The following SLC35F4 variants were observed in gnomAD, a reference collection of about 807,000 sequenced individuals.
SLC35F4 encodes the protein solute carrier family 35 member F4, also known as chromosome 14 open reading frame 36.
Under a neutral mutation model 44.2 loss-of-function variants are expected in SLC35F4, and 24 were observed. The observed-to-expected ratio is 0.54, with a 90% CI of 0.39 to 0.76. The LOEUF is 0.76. Ranked by LOEUF, SLC35F4 falls within the 30% of genes least tolerant of loss-of-function variation. The probability of loss-of-function intolerance (pLI) is 0.00; values close to 1 mark genes in which losing one functional copy is unlikely to be tolerated. For synonymous variants in SLC35F4, 238 were observed against 223.6 expected (o/e 1.06, Z -0.57); for missense variants, 562 against 586.1 (o/e 0.96, Z 0.42).
At position 57,839,942 on chromosome 14, in the gene SLC35F4, C is replaced by A. The variant is rs562536176; in HGVS notation, c.103+25781G>T. Among the ~76,000 whole-genome samples the A allele has an allele frequency of 7.9e-5, 12 of 152,206 alleles. No homozygotes were observed. In the South Asian group the frequency reaches 2.5e-3, roughly 32 times the overall value. ...CCAGACTTCTTACCTAAGACCTAAA[C>A]AAAACATGCACACTTCATTCTAGTC... On this transcript the variant is annotated intron_variant, in intron 1 of 7. Transcript: ENST00000556826.
At chr14:57,574,192 G>C (rs1318898415) in intron 4 of SLC35F4, among the ~76,000 whole-genome samples, 1 of 152,154 alleles carries the variant, frequency 6.6e-6, no homozygotes, top group Admixed American at 6.5e-5. Context: ...AGTAAAAATA[G>C]ATATGCATAA....
At chr14:57,927,614 C>A (rs1889605886) in intron 1 of SLC35F4, among the ~76,000 whole-genome samples, 1 of 151,870 alleles carries the variant, frequency 6.6e-6, no homozygotes, top group African/African-American at 2.4e-5. Flanking sequence ...CCTCAGCCTC[C>A]CAAGTAGCTG....
chr14:57,630,602 A>G (rs2072720963), intron 1 of SLC35F4: 2 of 863,582 alleles, frequency 2.3e-6, no homozygotes, highest in Admixed American at 3.6e-5. Flanking sequence ...AACCACCTAG[A>G]TCCAAATCTC....
At chr14:57,926,139 G>T (rs1313089532) in intron 1 of SLC35F4, among the ~76,000 whole-genome samples, 1 of 152,162 alleles carries the variant, frequency 6.6e-6, no homozygotes, top group Non-Finnish European at 1.5e-5. Flanking sequence ...AGAGGCCATG[G>T]CTATCCCACA....
intron 1 of SLC35F4, among the ~76,000 whole-genome samples, chr14:57,891,464 A>G (rs1179188032): frequency 6.6e-6 from 1 of 152,160 alleles, no homozygotes; most frequent in Non-Finnish European, 1.5e-5. Context: ...GCAACATAGC[A>G]AGACCCCCAA....
At chr14:57,740,210 GA>G (rs1387242674) in intron 1 of SLC35F4, among the ~76,000 whole-genome samples, 1 of 152,048 alleles carries the variant, frequency 6.6e-6, no homozygotes, top group Non-Finnish European at 1.5e-5. Flanking sequence ...GTATCTAATT[GA>G]AAGAATGATA....
intron 1 of SLC35F4, among the ~76,000 whole-genome samples, chr14:57,954,890 C>T (rs1555330764): frequency 7.2e-6 from 1 of 139,086 alleles, no homozygotes; most frequent in Non-Finnish European, 1.5e-5. Flanking sequence ...CTATTCCAGA[C>T]AATAGAAAAA....
chr14:57,681,683 G>C (rs2208986), intron 1 of SLC35F4, among the ~76,000 whole-genome samples: 22,388 of 151,708 alleles, frequency 0.15, 1,886 homozygotes, highest in East Asian at 0.29. Context: ...AGTTTCTGTA[G>C]GACAAAAGTA....
At chr14:57,812,970 G>T (rs1882140479) in intron 1 of SLC35F4, among the ~76,000 whole-genome samples, 4 of 152,198 alleles carry the variant, frequency 2.6e-5, no homozygotes, top group Non-Finnish European at 5.9e-5. Flanking sequence ...ATTCCTGTGT[G>T]CCAGAAGCTG....
intron 1 of SLC35F4, among the ~76,000 whole-genome samples, chr14:57,955,816 T>C (rs1008003637): frequency 2.6e-5 from 4 of 152,092 alleles, no homozygotes; most frequent in Non-Finnish European, 4.4e-5. Context: ...GCAAAACATT[T>C]TGTGCTCTTG....
intron 1 of SLC35F4, among the ~76,000 whole-genome samples, chr14:57,595,018 C>T (rs2070410567): frequency 6.6e-6 from 1 of 152,192 alleles, no homozygotes; most frequent in South Asian, 2.1e-4. Context: ...GAGATTAACA[C>T]TGGTACATCA....
chr14:57,868,833 T>C (rs1402835348), upstream of SLC35F4, among the ~76,000 whole-genome samples: 3 of 152,128 alleles, frequency 2.0e-5, no homozygotes, highest in African/African-American at 7.2e-5. Flanking sequence ...CAAACCCAAA[T>C]ATTCAAATTT....
intron 1 of SLC35F4, among the ~76,000 whole-genome samples, chr14:57,679,035 C>T (rs1484974180): frequency 6.6e-6 from 1 of 152,092 alleles, no homozygotes; most frequent in Non-Finnish European, 1.5e-5. Flanking sequence ...ACCTAATAGA[C>T]ATCTACAGAA....
intron 1 of SLC35F4, among the ~76,000 whole-genome samples, chr14:57,752,706 G>C (rs1239945571): frequency 2.0e-5 from 3 of 151,986 alleles, no homozygotes; most frequent in Non-Finnish European, 4.4e-5. Context: ...TGATCCACCC[G>C]CCTCGGCCTC....
intron 1 of SLC35F4, among the ~76,000 whole-genome samples, chr14:57,672,998 C>T (rs1332414469): frequency 6.6e-6 from 1 of 151,772 alleles, no homozygotes; most frequent in East Asian, 1.9e-4. Flanking sequence ...ATAAAATTTG[C>T]CATAATTAGT....
At chr14:57,920,970 G>A (rs950396676) in intron 1 of SLC35F4, among the ~76,000 whole-genome samples, 15 of 152,242 alleles carry the variant, frequency 9.9e-5, no homozygotes, top group African/African-American at 1.7e-4. Flanking sequence ...TGAAACATAC[G>A]TACACATCAT....
intron 1 of SLC35F4, among the ~76,000 whole-genome samples, chr14:57,638,442 G>A (rs945569345): frequency 3.3e-5 from 5 of 152,046 alleles, no homozygotes; most frequent in East Asian, 1.9e-4. Flanking sequence ...GGGCCCCTTC[G>A]TGAATATTCA....
rs17093571 is a variant in SLC35F4, at chr14:57,703,518, C to A, written c.104-109394G>T. The stretch of plus-strand genomic sequence containing the variant: ...TCCAAAGGGCTAATGGTAGTGGCAA[C>A]TGCCAACAAGTGGGCAGTGGTAGAG... On this transcript the variant is annotated intron_variant, in intron 1 of 7. Coordinates refer to ENST00000556826, the MANE Select transcript of SLC35F4 (RefSeq NM_001306087.2). Among the ~76,000 whole-genome samples the A allele has an allele frequency of 3.3e-3, 508 of 152,304 alleles. 3 individuals carry two copies. The highest frequency in any genetic ancestry group is 0.011 in the African/African-American group (467 of 41,570).
At chr14:57,785,591 T>C (rs1009756840) in intron 1 of SLC35F4, among the ~76,000 whole-genome samples, 13 of 152,090 alleles carry the variant, frequency 8.5e-5, no homozygotes, top group African/African-American at 3.1e-4. Flanking sequence ...CCAAATACTG[T>C]GAGTGCCCCA....
Sources: allele counts gnomAD v4.1 joint callset (sites outside exome capture counted in the v4.1 genomes callset), GRCh38; gene constraint gnomAD v4.1.1; transcripts MANE v1.5; gene names NCBI Gene and HGNC (gene_info 2026-07-23, HGNC 2026-07-21).